The following CREB1 variants were observed in gnomAD, a reference collection of about 807,000 sequenced individuals.
CREB1 encodes cAMP responsive element binding protein 1, also known as cyclic AMP-responsive element-binding protein 1.
A neutral mutation model predicts 42.0 loss-of-function variants in CREB1; 2 were observed. The ratio of observed to expected loss-of-function variants is 0.05; its 90% confidence interval spans 0.02 to 0.15. CREB1 has a LOEUF of 0.15. CREB1 is among the 10% of genes least tolerant of loss of function. The probability of loss-of-function intolerance (pLI) is 1.00; values close to 1 mark genes in which losing one functional copy is unlikely to be tolerated. For missense variants in CREB1, 199 were observed against 388.9 expected, an observed-to-expected ratio of 0.51 and a Z score of 4.11; for synonymous variants, 123 against 139.9, an observed-to-expected ratio of 0.88 and a Z score of 0.85.
At chr2:207,557,590 G>A (rs1308118675) in intron 2 of CREB1, among the ~76,000 whole-genome samples, 2 of 151,758 alleles carry the variant, frequency 1.3e-5, no homozygotes, top group Non-Finnish European at 2.9e-5. Context: ...GCTGAGGCAG[G>A]AGAATGTCAT....
intron 1 of CREB1, among the ~76,000 whole-genome samples, chr2:207,533,259 G>C (rs1289194860): frequency 6.6e-6 from 1 of 151,774 alleles, no homozygotes; most frequent in African/African-American, 2.4e-5. Flanking sequence ...TTAGACACCT[G>C]ATCCATAAAA....
At chr2:207,538,326 A>G (rs2080958109) in intron 1 of CREB1, among the ~76,000 whole-genome samples, 1 of 152,172 alleles carries the variant, frequency 6.6e-6, no homozygotes, top group Admixed American at 6.5e-5. Context: ...CGTGCATTAT[A>G]CATCTCCAGT....
intron 1 of CREB1, among the ~76,000 whole-genome samples, chr2:207,549,131 C>T (rs770858573): frequency 6.6e-6 from 1 of 152,082 alleles, no homozygotes; most frequent in Non-Finnish European, 1.5e-5. Flanking sequence ...ATATTTATAA[C>T]CTTTGTTACA....
At chr2:207,595,668 A>G (rs772575821) in intron 7 of CREB1, among the ~76,000 whole-genome samples, 11 of 151,934 alleles carry the variant, frequency 7.2e-5, no homozygotes, top group Non-Finnish European at 1.5e-5. Flanking sequence ...GGGCTTAAGC[A>G]GTCCTCCCAC....
At chr2:207,530,581 C>T (rs2080563397) in intron 1 of CREB1, among the ~76,000 whole-genome samples, 1 of 147,022 alleles carries the variant, frequency 6.8e-6, no homozygotes, top group Middle Eastern at 3.5e-3. Flanking sequence ...GCTCGCTCGT[C>T]CGGCCCCCGC....
chr2:207,555,846 G>T, intron 2 of CREB1, 97 bp downstream of exon 2: 1 of 694,048 alleles, frequency 1.4e-6, no homozygotes, highest in Non-Finnish European at 2.5e-6. Flanking sequence ...TACATAGAAT[G>T]AGCAGAGATA....
chr2:207,530,320 G>T (rs2080539060), intron 1 of CREB1, among the ~76,000 whole-genome samples, 186 bp downstream of exon 1: 1 of 151,506 alleles, frequency 6.6e-6, no homozygotes, highest in Non-Finnish European at 1.5e-5. Flanking sequence ...TAATGGCGGC[G>T]GACTGGAGCC....
intron 7 of CREB1, among the ~76,000 whole-genome samples, chr2:207,590,978 C>A (rs1044919422): frequency 1.3e-5 from 2 of 152,052 alleles, no homozygotes; most frequent in Non-Finnish European, 2.9e-5. Flanking sequence ...TCTTTTTTGA[C>A]CTATAGACTT....
chr2:207,542,221 C>T (rs1223677486), intron 1 of CREB1, among the ~76,000 whole-genome samples: 4 of 152,088 alleles, frequency 2.6e-5, no homozygotes, highest in South Asian at 2.1e-4. Flanking sequence ...AAGGAACTGC[C>T]GGGCTGTTTT....
intron 3 of CREB1, among the ~76,000 whole-genome samples, chr2:207,565,271 A>G (rs575330719): frequency 6.6e-6 from 1 of 152,284 alleles, no homozygotes; most frequent in South Asian, 2.1e-4. Context: ...ATTCTGTGGC[A>G]GTATTTTTAT....
At position 207,604,294 on chromosome 2, in the gene CREB1, T is replaced by C. The variant is rs1575082216; in HGVS notation, c.*7236T>C. 6.6e-6 allele frequency among the ~76,000 whole-genome samples: 1 copy of C among 152,224 alleles called. No individual in the cohort carries two copies. Among genetic ancestry groups the C allele is most frequent in the Non-Finnish European group, 1.5e-5 (1 of 68,046 alleles). On this transcript the variant is annotated 3_prime_UTR_variant, in exon 8 of 8. Coordinates refer to ENST00000353267, the MANE Select transcript of CREB1 (RefSeq NM_004379.5). ...GTTTCGCCACTGAAGACTTAACATA[T>C]GTCTTTTACACTCAGGTTGCAAAAC...
At chr2:207,541,642 T>C (rs558571395) in intron 1 of CREB1, among the ~76,000 whole-genome samples, 3 of 152,348 alleles carry the variant, frequency 2.0e-5, no homozygotes, top group South Asian at 4.1e-4. Context: ...GTATATGTAT[T>C]ACAGTTAAAA....
chr2:207,592,251 C>CAA (rs776002711), intron 7 of CREB1, among the ~76,000 whole-genome samples: 41 of 151,610 alleles, frequency 2.7e-4, no homozygotes, highest in Non-Finnish European at 5.4e-4. Context: ...ACTAAAAATA[C>CAA]AAAAAATGAG....
chr2:207,597,118 A>G lies in CREB1; in HGVS notation c.*60A>G. 13 of 1,491,720 alleles carry G rather than the reference A, an allele frequency of 8.7e-6. No individual in the cohort carries two copies. Among genetic ancestry groups the G allele is most frequent in the Non-Finnish European group, 1.2e-5 (13 of 1,116,912 alleles). The allele number at this position is 1,491,720 out of a possible 1,614,324, so 92.4% of individuals were successfully genotyped here. A position where few individuals can be genotyped will look rare whatever the true frequency, so the allele number is the denominator to read the frequency against. On this transcript the variant is annotated 3_prime_UTR_variant, in exon 8 of 8. Coordinates refer to ENST00000353267, the MANE Select transcript of CREB1 (RefSeq NM_004379.5). ...AATGGACTGGCTTGGCCACAACCTG[A>G]AAGACAAAATAAACATTTTATTTTC...
intron 5 of CREB1, chr2:207,571,714 T>C (rs2082372062): frequency 6.6e-6 from 3 of 454,918 alleles, no homozygotes; most frequent in South Asian, 3.1e-5. Context: ...TACATGATGT[T>C]TATTTTTCTT....
intron 1 of CREB1, among the ~76,000 whole-genome samples, chr2:207,534,435 C>T (rs2080783247): frequency 6.6e-6 from 1 of 152,036 alleles, no homozygotes; most frequent in Admixed American, 6.6e-5. Flanking sequence ...CAGGGTTTCA[C>T]CATGTTGGTC....
intron 7 of CREB1, among the ~76,000 whole-genome samples, chr2:207,588,237 C>T (rs1412899387): frequency 6.6e-6 from 1 of 152,110 alleles, no homozygotes; most frequent in Non-Finnish European, 1.5e-5. Context: ...GAGGATGTGT[C>T]GAGATCCATT....
At chr2:207,584,553 T>C (rs1426739633) in intron 7 of CREB1, among the ~76,000 whole-genome samples, 1 of 152,112 alleles carries the variant, frequency 6.6e-6, no homozygotes, top group African/African-American at 2.4e-5. Flanking sequence ...TACAGGCACC[T>C]GCCACCACGT....
intron 1 of CREB1, among the ~76,000 whole-genome samples, chr2:207,547,041 A>G (rs2081327263): frequency 6.6e-6 from 1 of 152,096 alleles, no homozygotes; most frequent in Admixed American, 6.5e-5. Flanking sequence ...TTCCTTACAA[A>G]TCTCTTGACA....
Sources: gnomAD v4.1 joint callset for allele counts (sites outside exome capture counted in the v4.1 genomes callset) on GRCh38, gnomAD v4.1.1 for gene constraint, MANE v1.5 for transcripts, NCBI Gene and HGNC (gene_info 2026-07-23, HGNC 2026-07-21) for gene names.